DIP2A: variants seen among roughly 807,000 people sequenced by gnomAD.
The protein encoded by DIP2A is disco-interacting protein 2 homolog A.
A neutral mutation model predicts 177.4 loss-of-function variants in DIP2A; 85 were observed. That is an observed-to-expected ratio of 0.48 (90% CI 0.40 to 0.57). DIP2A has a LOEUF of 0.57. Ranked by LOEUF, DIP2A falls within the 20% of genes least tolerant of loss-of-function variation. DIP2A has a pLI of 0.00. For missense variants in DIP2A, 1,791 were observed against 2,100.2 expected (o/e 0.85, Z 2.88); for synonymous variants, 886 against 881.8 (o/e 1.00, Z -0.08).
rs140874922 is a variant in DIP2A, at chr21:46,468,118, T to C, written c.91+8896T>C. On this transcript the variant is annotated intron_variant, in intron 1 of 37. Transcript: ENST00000417564. ...GCCTCTACTAAATAAAAAAAAAAAT[T>C]AGCCTGGCATGGGGGCAAGTACCTA... Among the ~76,000 whole-genome samples the C allele has an allele frequency of 9.2e-5, 14 of 151,578 alleles. No homozygotes were observed. The East Asian group carries it at 2.5e-3, about 27-fold the overall frequency.
chr21:46,490,425 G>A (rs2056944445), intron 2 of DIP2A, among the ~76,000 whole-genome samples, 175 bp from the exon 3 acceptor site: 1 of 152,196 alleles, frequency 6.6e-6, no homozygotes, highest in African/African-American at 2.4e-5. Context: ...GAGCACGGAA[G>A]TGGATGTTGC....
chr21:46,561,197 A>G (rs1198212937), intron 33 of DIP2A: 3 of 323,614 alleles, frequency 9.3e-6, no homozygotes, highest in Non-Finnish European at 1.6e-5. Context: ...CCGATGACCC[A>G]TGTGACATTT....
chr21:46,495,032 A>G (rs1423883064), intron 3 of DIP2A, among the ~76,000 whole-genome samples: 1 of 152,176 alleles, frequency 6.6e-6, no homozygotes, highest in African/African-American at 2.4e-5. Context: ...TTCACTGTAC[A>G]GAGGTAAGAC....
chr21:46,530,181 A>G (rs931770551), intron 9 of DIP2A, among the ~76,000 whole-genome samples: 8 of 152,216 alleles, frequency 5.3e-5, no homozygotes, highest in Non-Finnish European at 7.3e-5. Context: ...GGTGGAAAAT[A>G]GGAGAACATG....
At chr21:46,524,206 G>A (rs1351746164) in intron 8 of DIP2A, among the ~76,000 whole-genome samples, 1 of 152,226 alleles carries the variant, frequency 6.6e-6, no homozygotes, top group Non-Finnish European at 1.5e-5. Flanking sequence ...ACATTCTGTA[G>A]TGCCAGATCC....
chr21:46,483,997 C>A (rs1433769790), intron 1 of DIP2A, among the ~76,000 whole-genome samples: 1 of 152,128 alleles, frequency 6.6e-6, no homozygotes, highest in Non-Finnish European at 1.5e-5. Flanking sequence ...TACCTCATTC[C>A]TAGGTGGTTT....
chr21:46,466,621 C>T (rs2054856844), intron 1 of DIP2A, among the ~76,000 whole-genome samples: 1 of 151,800 alleles, frequency 6.6e-6, no homozygotes, highest in Non-Finnish European at 1.5e-5. Flanking sequence ...GCTGGGATTA[C>T]AGGCCTGAGC....
In DIP2A at chr21:46,534,590, A is replaced by C; in HGVS notation, c.1545A>C (p.Lys515Asn). The part of the protein sequence containing the change: ...TGTGTAYIEY[K>N]TSKEGSTVGV... ...TTTTCCTTGAAATCTTTCAGTATAAAACCAGCAAAGAAGGCAGTACGGTGG... is the reference window on the plus strand; with the variant it reads ...TTTTCCTTGAAATCTTTCAGTATAACACCAGCAAAGAAGGCAGTACGGTGG... Residue 515 changes from lysine to asparagine, a missense_variant, in exon 13 of 38, where the codon AAA (lysine) becomes AAC (asparagine). Coordinates refer to ENST00000417564, the MANE Select transcript of DIP2A (RefSeq NM_015151.4). 6.2e-7 allele frequency: 1 copy of C among 1,613,598 alleles called. No homozygotes were observed. The highest frequency in any genetic ancestry group is 8.5e-7 in the Non-Finnish European group (1 of 1,179,826).
intron 1 of DIP2A, among the ~76,000 whole-genome samples, chr21:46,477,892 A>C (rs1184337838): frequency 3.3e-5 from 5 of 151,864 alleles, no homozygotes; most frequent in Admixed American, 2.6e-4. Context: ...CATCTTTCAC[A>C]TTTAGATGCG....
In DIP2A at chr21:46,556,376, G is replaced by A. The variant is rs1180432754; in HGVS notation, c.3498+285G>A. ...TGAAGAATCTCTTACCTTGCTGGGA[G>A]TCAATAGCTCAATTAAAATTTTTCA... On this transcript the variant is annotated intron_variant, in intron 29 of 37. Coordinates refer to ENST00000417564, the MANE Select transcript of DIP2A (RefSeq NM_015151.4). This position sits in a 1 kb window ranked among gnomAD's most constrained non-coding sequence, Gnocchi z 4.5. 1 of 1,392,818 alleles carries A rather than the reference G, an allele frequency of 7.2e-7. No homozygotes were observed. The highest frequency in any genetic ancestry group is 1.9e-4 in the Middle Eastern group (1 of 5,192). 86.3% of individuals were successfully genotyped at this position (1,392,818 alleles called of 1,614,324 possible).
rs1601833578 is a variant in DIP2A, at chr21:46,556,410, G to A, written c.3498+319G>A. On this transcript the variant is annotated intron_variant, in intron 29 of 37. Transcript: ENST00000417564. This position sits in a 1 kb window ranked among gnomAD's most constrained non-coding sequence, Gnocchi z 4.5. Reference sequence around the variant, plus strand: ...TCAATTAAAATTTTTCAGGCGGGGCGTGGTGGCTCACGCCTGTAATCCCAG... The same window carrying A: ...TCAATTAAAATTTTTCAGGCGGGGCATGGTGGCTCACGCCTGTAATCCCAG... 3.7e-6 allele frequency: 5 copies of A among 1,338,200 alleles called. No individual in the cohort carries two copies. The highest frequency in any genetic ancestry group is 4.8e-5 in the East Asian group (1 of 20,866). The allele number at this position is 1,338,200 out of a possible 1,614,324, so 82.9% of individuals were successfully genotyped here.
intron 5 of DIP2A, among the ~76,000 whole-genome samples, chr21:46,499,180 A>G (rs2148534848): frequency 6.6e-6 from 1 of 152,344 alleles, no homozygotes; most frequent in East Asian, 1.9e-4. Context: ...CATCTGGGAA[A>G]TGTCCTTTTG....
At chr21:46,545,373 G>A in intron 19 of DIP2A, 100 bp downstream of exon 19, 1 of 1,403,894 alleles carries the variant, frequency 7.1e-7, no homozygotes, top group Admixed American at 2.2e-5. Flanking sequence ...AGGCTGCGGG[G>A]ATGGTCTCCT....
the DIP2A span, among the ~76,000 whole-genome samples, chr21:46,582,308 G>A: frequency 1.3e-5 from 2 of 152,064 alleles, no homozygotes; most frequent in Non-Finnish European, 2.9e-5. Context: ...AGAGGAAAAC[G>A]GCAGACTGGA....
chr21:46,483,293 C>T (rs183657171), intron 1 of DIP2A, among the ~76,000 whole-genome samples: 1 of 149,732 alleles, frequency 6.7e-6, no homozygotes, highest in African/African-American at 2.5e-5. Flanking sequence ...CTAAAAGACA[C>T]TATAGAAAGA....
In DIP2A at chr21:46,490,629, A is replaced by G. The variant is rs200820815; in HGVS notation, c.193A>G (p.Arg65Gly). The G allele has an allele frequency of 9.0e-5, 143 of 1,580,266 alleles. No homozygotes were observed. The highest frequency in any genetic ancestry group is 1.1e-4 in the Admixed American group (6 of 54,386). The change falls in exon 3 of 38, where the codon AGA becomes GGA. Residue 65 changes from arginine to glycine, a missense_variant. Physicochemically the swap from Arg to Gly is moderately radical, Grantham distance 125. Coordinates refer to ENST00000417564, the MANE Select transcript of DIP2A (RefSeq NM_015151.4). ...AGACCCATCTCTGCAAGCAGAGAATAGAATTCCTGGGCCCTCACAAACCAC... is the reference window on the plus strand; with the variant it reads ...AGACCCATCTCTGCAAGCAGAGAATGGAATTCCTGGGCCCTCACAAACCAC... The part of the protein sequence containing the change: ...GIDPSLQAEN[R>G]IPGPSQTTAA...
chr21:46,578,749 G>A, the DIP2A span, among the ~76,000 whole-genome samples: 1 of 152,312 alleles, frequency 6.6e-6, no homozygotes, highest in South Asian at 2.1e-4. Context: ...TTTATGTGAT[G>A]AATTATGTTT....
chr21:46,556,911 T>C lies in DIP2A; in HGVS notation c.3499-28T>C. ...CCCTCCTGAATTTCATTTCACTTTTTTTTTTTGAACTTTATTTTACTCTTA... is the reference window on the plus strand; with the variant it reads ...CCCTCCTGAATTTCATTTCACTTTTCTTTTTTGAACTTTATTTTACTCTTA... On this transcript the variant is annotated intron_variant, in intron 29 of 37. Coordinates refer to ENST00000417564, the MANE Select transcript of DIP2A (RefSeq NM_015151.4). The surrounding 1 kb of genome is among the most constrained non-coding windows in gnomAD (Gnocchi z 4.5). 1 of 1,518,858 alleles carries C rather than the reference T, an allele frequency of 6.6e-7. No individual in the cohort carries two copies. Among genetic ancestry groups the C allele is most frequent in the Non-Finnish European group, 8.9e-7 (1 of 1,127,854 alleles). 94.1% of individuals were successfully genotyped at this position (1,518,858 alleles called of 1,614,324 possible). A position where few individuals can be genotyped will look rare whatever the true frequency, so the allele number is the denominator to read the frequency against.
At chr21:46,534,362 G>A (rs1357546112) in intron 12 of DIP2A, among the ~76,000 whole-genome samples, 6 of 152,106 alleles carry the variant, frequency 3.9e-5, no homozygotes, top group South Asian at 2.1e-4. Context: ...AGCCCATGGC[G>A]CACCATTACC....
Sources: gnomAD v4.1 joint callset for allele counts (sites outside exome capture counted in the v4.1 genomes callset) on GRCh38, gnomAD v4.1.1 for gene constraint, Gnocchi (gnomAD v3.1) non-coding constraint, MANE v1.5 for transcripts, NCBI Gene and HGNC (gene_info 2026-07-23, HGNC 2026-07-21) for gene names.